The following ADGRD1 variants were observed in gnomAD, a reference collection of about 807,000 sequenced individuals.
ADGRD1 encodes the protein G-protein coupled receptor 133.
In ADGRD1, 77 loss-of-function variants were observed where a neutral mutation model predicts 113.4. The observed-to-expected ratio is 0.68, with a 90% CI of 0.57 to 0.82. ADGRD1 has a LOEUF of 0.82. ADGRD1 is among the 40% of genes least tolerant of loss of function. The pLI, the probability that ADGRD1 is intolerant of heterozygous loss-of-function variation, is 0.00. For synonymous variants in ADGRD1, 474 were observed against 475.0 expected (o/e 1.00, Z 0.03); for missense variants, 1,036 against 1,139.1 (o/e 0.91, Z 1.30).
intron 15 of ADGRD1, among the ~76,000 whole-genome samples, chr12:131,098,852 T>C (rs1410515938): frequency 6.6e-6 from 1 of 152,260 alleles, no homozygotes; most frequent in Non-Finnish European, 1.5e-5. Context: ...CAGTAGGTGC[T>C]GAATACATGC....
chr12:131,080,919 C>T (rs556056928), intron 14 of ADGRD1, among the ~76,000 whole-genome samples: 124 of 152,334 alleles, frequency 8.1e-4, no homozygotes, highest in African/African-American at 2.8e-3. Context: ...TGCACCCGGC[C>T]TAGTTTTATG....
At chr12:130,982,610 G>A (rs1161429956) in intron 5 of ADGRD1, among the ~76,000 whole-genome samples, 1 of 152,196 alleles carries the variant, frequency 6.6e-6, no homozygotes, top group Non-Finnish European at 1.5e-5. Flanking sequence ...CTTTTGGAGA[G>A]AGAGGCTGAA....
chr12:131,047,359 C>A (rs1205562423), intron 13 of ADGRD1, among the ~76,000 whole-genome samples: 2 of 152,178 alleles, frequency 1.3e-5, no homozygotes, highest in Non-Finnish European at 2.9e-5. Context: ...GTCCTCCGCA[C>A]CTGGAGCCTG....
chr12:131,065,148 C>G (rs1376937935), intron 13 of ADGRD1, among the ~76,000 whole-genome samples: 2 of 152,212 alleles, frequency 1.3e-5, no homozygotes, highest in African/African-American at 4.8e-5. Flanking sequence ...CACACTGATG[C>G]CATAAACATC....
intron 15 of ADGRD1, among the ~76,000 whole-genome samples, chr12:131,094,877 G>A (rs1887169401): frequency 6.6e-6 from 1 of 152,244 alleles, no homozygotes; most frequent in Admixed American, 6.5e-5. Flanking sequence ...GCTGCTGAGA[G>A]CTGGGCTGGG....
intron 3 of ADGRD1, chr12:130,968,668 A>T: frequency 2.8e-6 from 1 of 352,518 alleles, no homozygotes; most frequent in Non-Finnish European, 5.2e-6. Flanking sequence ...GTTCAATTTC[A>T]TATCTCTCAA....
chr12:131,032,763 C>T (rs12812710), intron 13 of ADGRD1, among the ~76,000 whole-genome samples: 14 of 109,142 alleles, frequency 1.3e-4, no homozygotes, highest in African/African-American at 5.4e-4. Context: ...AGAGGTGACG[C>T]TTATTAGAGA....
In ADGRD1 at chr12:131,121,841, C is replaced by T. The variant is rs556538286; in HGVS notation, c.2175+928C>T. 4 of 152,472 alleles carry T rather than the reference C, an allele frequency of 2.6e-5. No individual in the cohort carries two copies. The East Asian group carries it at 7.8e-4, about 30-fold the overall frequency. The allele number at this position is 152,472 out of a possible 1,614,324, so 9.4% of individuals were successfully genotyped here. On this transcript the variant is annotated intron_variant, in intron 20 of 24. Coordinates refer to ENST00000261654, the MANE Select transcript of ADGRD1 (RefSeq NM_198827.5). The stretch of plus-strand genomic sequence containing the variant: ...AAACGGAGGCTTTTTCCCAGCACTC[C>T]CATCGCAAGTCCCAGGCTGGTTCTC...
rs1288518546 is a variant in ADGRD1, at chr12:130,966,546, G to A, written c.187G>A (p.Asp63Asn). The change falls in exon 3 of 25, where the codon GAT becomes AAT. Residue 63 changes from aspartate to asparagine, a missense_variant and splice_region_variant. By Grantham distance (23) the Asp-to-Asn change is conservative. Transcript: ENST00000261654. The surrounding 1 kb of genome is among the most constrained non-coding windows in gnomAD (Gnocchi z 4.6). Reference protein sequence around the residue: ...GIHELQDTTGDIVEGKVNKGI... With the variant: ...GIHELQDTTGNIVEGKVNKGI... ...CCATGAACTTCAGGATACAACTGGA[G>A]GTAGAGACGCGGGTGCTGAGAGCGG... 3.1e-6 allele frequency: 5 copies of A among 1,597,850 alleles called. No homozygotes were observed. The highest frequency in any genetic ancestry group is 1.7e-4 in the Middle Eastern group (1 of 6,032).
intron 13 of ADGRD1, chr12:131,026,723 G>A (rs1226480391): frequency 2.6e-5 from 4 of 152,192 alleles, no homozygotes; most frequent in Non-Finnish European, 5.9e-5. Context: ...CCCACTTGAT[G>A]CCAGCAGCCC....
At chr12:130,994,214 A>G (rs1240407621) in intron 8 of ADGRD1, 2 of 446,722 alleles carry the variant, frequency 4.5e-6, no homozygotes, top group South Asian at 1.6e-5. Flanking sequence ...GAAGGTCCTT[A>G]TGCATGTATG....
chr12:130,971,019 G>C lies in ADGRD1; in HGVS notation c.188-439G>C, dbSNP rs1871555995. The C allele has an allele frequency of 1.3e-5, 2 of 153,874 alleles. No homozygotes were observed. Among genetic ancestry groups the C allele is most frequent in the African/African-American group, 4.8e-5 (2 of 41,466 alleles). 9.5% of individuals were successfully genotyped at this position (153,874 alleles called of 1,614,324 possible). ...ACTTGGAACACTCAGCATGAGGACG[G>C]GAGTGGGGAGGGCTCGAAAAGCAGG... On this transcript the variant is annotated intron_variant, in intron 3 of 24. Coordinates refer to ENST00000261654, the MANE Select transcript of ADGRD1 (RefSeq NM_198827.5). The surrounding 1 kb of genome is among the most constrained non-coding windows in gnomAD (Gnocchi z 4.2).
chr12:131,120,799 G>A (rs749196052), intron 19 of ADGRD1, 48 bp from the exon 20 acceptor site: 20 of 1,593,158 alleles, frequency 1.3e-5, no homozygotes, highest in Middle Eastern at 3.3e-4. Context: ...AGGTACGCTG[G>A]CAGGTGGAAC....
At chr12:131,092,530 G>A (rs1313196606) in intron 15 of ADGRD1, among the ~76,000 whole-genome samples, 1 of 152,008 alleles carries the variant, frequency 6.6e-6, no homozygotes, top group Admixed American at 6.5e-5. Flanking sequence ...GCCCGCCACG[G>A]TGCGCTCTTT....
At chr12:130,998,439 AGTTT>A (rs1875902408) in intron 8 of ADGRD1, among the ~76,000 whole-genome samples, 1 of 151,876 alleles carries the variant, frequency 6.6e-6, no homozygotes, top group Non-Finnish European at 1.5e-5. Context: ...TATACAAGTT[AGTTT>A]CTTTCTTTTT....
rs1871553636 is a variant in ADGRD1, at chr12:130,971,002, C to G, written c.188-456C>G. ...TTGCACTGAAACGTTCCACTTGGAA[C>G]ACTCAGCATGAGGACGGGAGTGGGG... is the stretch of plus-strand genomic sequence containing the variant. On this transcript the variant is annotated intron_variant, in intron 3 of 24. Transcript: ENST00000261654. The surrounding 1 kb of genome is among the most constrained non-coding windows in gnomAD (Gnocchi z 4.2). The G allele has an allele frequency of 6.5e-6, 1 of 152,916 alleles. No homozygotes were observed. The highest frequency in any genetic ancestry group is 1.5e-5 in the Non-Finnish European group (1 of 68,594). 9.5% of individuals were successfully genotyped at this position (152,916 alleles called of 1,614,324 possible). A position where few individuals can be genotyped will look rare whatever the true frequency, so the allele number is the denominator to read the frequency against.
chr12:131,119,531 C>A (rs148042538), intron 19 of ADGRD1, among the ~76,000 whole-genome samples: 1 of 152,206 alleles, frequency 6.6e-6, no homozygotes, highest in African/African-American at 2.4e-5. Context: ...GGGGTCTGAC[C>A]GTAATACAAG....
At chr12:131,017,289 C>T (rs1195919) in intron 13 of ADGRD1, among the ~76,000 whole-genome samples, 63,994 of 132,160 alleles carry the variant, frequency 0.48, 17,328 homozygotes, top group East Asian at 0.76. Context: ...ACACCCAGTG[C>T]ACACAGTCCA....
chr12:131,101,373 C>CTTTTTTTTTTTTTTTTTTT (rs796951608), intron 15 of ADGRD1, among the ~76,000 whole-genome samples: 3 of 79,360 alleles, frequency 3.8e-5, no homozygotes, highest in Non-Finnish European at 7.1e-5. Flanking sequence ...CTTTTTCTTT[C>CTTTTTTTTTTTTTTTTTTT]TTTCTTTTTT....
Sources: gnomAD v4.1 joint callset for allele counts (sites outside exome capture counted in the v4.1 genomes callset) on GRCh38, gnomAD v4.1.1 for gene constraint, Gnocchi (gnomAD v3.1) non-coding constraint, MANE v1.5 for transcripts, NCBI Gene and HGNC (gene_info 2026-07-23, HGNC 2026-07-21) for gene names.